CNTNAP2: variants seen among roughly 807,000 people sequenced by gnomAD.
The protein encoded by CNTNAP2 is contactin associated protein 2.
A neutral mutation model predicts 155.2 loss-of-function variants in CNTNAP2; 98 were observed. The observed-to-expected ratio is 0.63, with a 90% CI of 0.54 to 0.75. The LOEUF (loss-of-function observed/expected upper bound fraction) is 0.75, where lower values mean the gene tolerates loss of function less well. Ranked by LOEUF, CNTNAP2 falls within the 30% of genes least tolerant of loss-of-function variation. The pLI, the probability that CNTNAP2 is intolerant of heterozygous loss-of-function variation, is 0.00. For missense variants in CNTNAP2, 1,727 were observed against 1,688.1 expected, an observed-to-expected ratio of 1.02 and a Z score of -0.40; for synonymous variants, 651 against 631.2, an observed-to-expected ratio of 1.03 and a Z score of -0.47.
chr7:146,338,197 T>C (rs895431297), intron 1 of CNTNAP2, among the ~76,000 whole-genome samples: 1 of 152,120 alleles, frequency 6.6e-6, no homozygotes, highest in African/African-American at 2.4e-5. Context: ...AGTACACACA[T>C]ATATTTCTAT....
intron 1 of CNTNAP2, among the ~76,000 whole-genome samples, chr7:146,314,801 A>G (rs1800881397): frequency 1.3e-5 from 2 of 152,160 alleles, no homozygotes; most frequent in South Asian, 4.1e-4. Flanking sequence ...CTGCTTGAGC[A>G]TTCAGAAGAC....
chr7:146,806,219 C>T (rs1356113410), intron 2 of CNTNAP2, among the ~76,000 whole-genome samples: 1 of 152,026 alleles, frequency 6.6e-6, no homozygotes, highest in Non-Finnish European at 1.5e-5. Flanking sequence ...AGGACAGTTA[C>T]AGTGGCTCAT....
intron 1 of CNTNAP2, among the ~76,000 whole-genome samples, chr7:146,517,439 G>A (rs922198830): frequency 1.3e-5 from 2 of 151,930 alleles, no homozygotes. Flanking sequence ...TTGGAGAAGA[G>A]TAATCTAGCA....
At chr7:146,168,408 G>T (rs965393704) in intron 1 of CNTNAP2, among the ~76,000 whole-genome samples, 1 of 151,936 alleles carries the variant, frequency 6.6e-6, no homozygotes, top group Non-Finnish European at 1.5e-5. Context: ...CATATTGGAA[G>T]TGTATGCTCA....
At chr7:146,178,235 G>A (rs1343257146) in intron 1 of CNTNAP2, among the ~76,000 whole-genome samples, 2 of 151,968 alleles carry the variant, frequency 1.3e-5, no homozygotes, top group African/African-American at 2.4e-5. Flanking sequence ...GAGTTTCACC[G>A]TGTTAGCCAG....
intron 9 of CNTNAP2, among the ~76,000 whole-genome samples, chr7:147,316,896 T>A (rs1347318018): frequency 6.6e-6 from 1 of 152,206 alleles, no homozygotes; most frequent in Non-Finnish European, 1.5e-5. Flanking sequence ...TGACATAGTC[T>A]TATTGCAATG....
chr7:148,015,501 G>A (rs987421269), intron 15 of CNTNAP2, among the ~76,000 whole-genome samples: 1 of 152,206 alleles, frequency 6.6e-6, no homozygotes, highest in African/African-American at 2.4e-5. Context: ...CACAGAGAAC[G>A]AGCATTTTTG....
chr7:148,138,601 G>T (rs1254521153), intron 16 of CNTNAP2, among the ~76,000 whole-genome samples: 3 of 152,144 alleles, frequency 2.0e-5, no homozygotes, highest in East Asian at 3.9e-4. Flanking sequence ...TCCTCAATCT[G>T]CTCTCCTCTT....
intron 14 of CNTNAP2, among the ~76,000 whole-genome samples, chr7:147,973,203 C>CA (rs1801366581): frequency 7.2e-6 from 1 of 139,210 alleles, no homozygotes; most frequent in Admixed American, 7.4e-5. Flanking sequence ...TGTAGGATCA[C>CA]AAAAACTTTG....
intron 11 of CNTNAP2, among the ~76,000 whole-genome samples, chr7:147,506,724 T>C (rs7795843): frequency 0.45 from 68,573 of 152,130 alleles, 16,447 homozygotes; most frequent in African/African-American, 0.6. Flanking sequence ...GCTTTAGCAG[T>C]TGAGCCACCT....
intron 3 of CNTNAP2, among the ~76,000 whole-genome samples, chr7:146,945,150 A>G (rs1162630339): frequency 6.6e-6 from 1 of 152,200 alleles, no homozygotes; most frequent in Non-Finnish European, 1.5e-5. Flanking sequence ...TGGGCATCAG[A>G]ACTGCATGTG....
At chr7:146,470,537 T>C (rs527336514) in intron 1 of CNTNAP2, among the ~76,000 whole-genome samples, 1 of 152,212 alleles carries the variant, frequency 6.6e-6, no homozygotes, top group African/African-American at 2.4e-5. Flanking sequence ...GTTGTGTTTC[T>C]TGCTATCCCT....
chr7:146,735,295 G>A (rs1040149612), intron 1 of CNTNAP2, among the ~76,000 whole-genome samples: 6 of 152,204 alleles, frequency 3.9e-5, no homozygotes, highest in Non-Finnish European at 7.3e-5. Context: ...GCTCACGCCT[G>A]TAATCCCGGC....
intron 20 of CNTNAP2, among the ~76,000 whole-genome samples, chr7:148,235,091 TGAC>T (rs1359115131): frequency 6.6e-6 from 1 of 152,232 alleles, no homozygotes; most frequent in Non-Finnish European, 1.5e-5. Context: ...AAAAAGAGGA[TGAC>T]TTTGATTATT....
intron 8 of CNTNAP2, among the ~76,000 whole-genome samples, chr7:147,256,543 G>C (rs542732610): frequency 4.6e-5 from 7 of 152,166 alleles, no homozygotes; most frequent in Non-Finnish European, 8.8e-5. Context: ...CTTGAGTCAA[G>C]AGTGATAGCC....
At chr7:146,647,395 A>G (rs1218165563) in intron 1 of CNTNAP2, among the ~76,000 whole-genome samples, 2 of 152,100 alleles carry the variant, frequency 1.3e-5, no homozygotes, top group African/African-American at 2.4e-5. Flanking sequence ...AAAGTTCAGT[A>G]TCTTTATAAG....
At chr7:146,303,414 T>G (rs1800650426) in intron 1 of CNTNAP2, among the ~76,000 whole-genome samples, 1 of 151,982 alleles carries the variant, frequency 6.6e-6, no homozygotes, top group Non-Finnish European at 1.5e-5. Context: ...ATTATTGTAG[T>G]AAGCATACAA....
At chr7:147,621,330 C>A (rs1221407252) in intron 12 of CNTNAP2, among the ~76,000 whole-genome samples, 1 of 151,926 alleles carries the variant, frequency 6.6e-6, no homozygotes, top group Non-Finnish European at 1.5e-5. Context: ...CACAGAAAAA[C>A]ATGGAATATT....
At chr7:147,996,290 GA>G (rs1285795218) in intron 15 of CNTNAP2, among the ~76,000 whole-genome samples, 1 of 152,170 alleles carries the variant, frequency 6.6e-6, no homozygotes, top group Admixed American at 6.5e-5. Context: ...CTTGATTACA[GA>G]AATTACCTGG....
Sources: gnomAD v4.1 joint callset for allele counts (sites outside exome capture counted in the v4.1 genomes callset) on GRCh38, gnomAD v4.1.1 for gene constraint, MANE v1.5 for transcripts, NCBI Gene and HGNC (gene_info 2026-07-23, HGNC 2026-07-21) for gene names.